Variants in HTR1F observed in about 807,000 individuals in gnomAD.
HTR1F encodes the protein 5-hydroxytryptamine receptor 1F.
HTR1F carries 17 observed loss-of-function variants against 24.0 expected under a neutral mutation model. That is an observed-to-expected ratio of 0.71 (90% confidence interval 0.48 to 1.06). The LOEUF (loss-of-function observed/expected upper bound fraction) is 1.06, where lower values mean the gene tolerates loss of function less well. Among genes scored for constraint, HTR1F ranks in the 50% least tolerant of loss-of-function variants. HTR1F has a pLI of 0.00. For synonymous variants in HTR1F, 186 were observed against 156.8 expected (o/e 1.19, Z -1.39); for missense variants, 391 against 427.8 (o/e 0.91, Z 0.76).
chr3:87,792,878 G>A (rs910837573), intron 1 of HTR1F, among the ~76,000 whole-genome samples, 36 bp downstream of exon 1: 1 of 152,180 alleles, frequency 6.6e-6, no homozygotes, highest in African/African-American at 2.4e-5. Context: ...CCGGGAGTGC[G>A]GGTCACGCCC....
chr3:87,829,760 AAAT>A (rs1477791032), intron 2 of HTR1F, among the ~76,000 whole-genome samples: 5 of 152,264 alleles, frequency 3.3e-5, no homozygotes, highest in African/African-American at 4.8e-5. Context: ...AAATTTGCAA[AAAT>A]AATGATGTTA....
chr3:87,833,228 G>A (rs1704618865), intron 2 of HTR1F, among the ~76,000 whole-genome samples: 1 of 152,156 alleles, frequency 6.6e-6, no homozygotes, highest in South Asian at 2.1e-4. Flanking sequence ...CATATAGGGT[G>A]AAGAGACTTC....
At chr3:87,941,194 A>C (rs560081318) in intron 2 of HTR1F, among the ~76,000 whole-genome samples, 16 of 152,240 alleles carry the variant, frequency 1.1e-4, no homozygotes, top group Non-Finnish European at 2.4e-4. Flanking sequence ...CATCTTACTA[A>C]ATGGGTATTG....
chr3:87,937,339 C>T (rs577066252), intron 2 of HTR1F, among the ~76,000 whole-genome samples: 5 of 152,202 alleles, frequency 3.3e-5, no homozygotes, highest in African/African-American at 1.2e-4. Flanking sequence ...TAAATATGAT[C>T]CATTAGGTAA....
intron 2 of HTR1F, among the ~76,000 whole-genome samples, chr3:87,825,014 G>A (rs1704435078): frequency 6.6e-6 from 1 of 152,096 alleles, no homozygotes; most frequent in Non-Finnish European, 1.5e-5. Context: ...CTTGATAATA[G>A]TGATTATAAG....
chr3:87,962,840 A>G (rs1185065675), intron 2 of HTR1F, among the ~76,000 whole-genome samples: 1 of 152,072 alleles, frequency 6.6e-6, no homozygotes, highest in Non-Finnish European at 1.5e-5. Flanking sequence ...TATTTCCAAT[A>G]TAACTCTTAA....
At chr3:87,922,697 A>C (rs532992617) in intron 2 of HTR1F, among the ~76,000 whole-genome samples, 5 of 151,916 alleles carry the variant, frequency 3.3e-5, no homozygotes, top group African/African-American at 1.2e-4. Context: ...GTTAATTTTT[A>C]TATATAGGGA....
chr3:87,851,208 C>T (rs1194857258), intron 2 of HTR1F, among the ~76,000 whole-genome samples: 5 of 151,568 alleles, frequency 3.3e-5, no homozygotes, highest in South Asian at 2.1e-4. Flanking sequence ...TTATTATGCT[C>T]TTTATTTTGC....
At chr3:87,919,209 A>G (rs1428530940) in intron 2 of HTR1F, among the ~76,000 whole-genome samples, 1 of 152,158 alleles carries the variant, frequency 6.6e-6, no homozygotes, top group African/African-American at 2.4e-5. Context: ...CTCTCACCTT[A>G]TATAAAAATC....
chr3:87,866,654 A>G (rs998206653), intron 2 of HTR1F, among the ~76,000 whole-genome samples: 1 of 149,130 alleles, frequency 6.7e-6, no homozygotes, highest in Non-Finnish European at 1.5e-5. Flanking sequence ...CTTGCAAAAA[A>G]GAAACCCCAA....
At chr3:87,940,180 G>A (rs1704534158) in intron 2 of HTR1F, among the ~76,000 whole-genome samples, 1 of 152,202 alleles carries the variant, frequency 6.6e-6, no homozygotes, top group African/African-American at 2.4e-5. Context: ...AGTTTTGAGA[G>A]AGTCTCTTAA....
In HTR1F at chr3:87,912,199, C is replaced by CA. The variant is rs201239929; in HGVS notation, c.-42-78498dup. Among the ~76,000 whole-genome samples the CA allele has an allele frequency of 6.7e-3, 949 of 142,346 alleles. 5 individuals are homozygous for CA. Among genetic ancestry groups the CA allele is most frequent in the African/African-American group, 0.015 (581 of 39,192 alleles). The allele number at this position is 142,346 out of a possible 152,430, so 93.4% of individuals were successfully genotyped here. A position where few individuals can be genotyped will look rare whatever the true frequency, so the allele number is the denominator to read the frequency against. On this transcript the variant is annotated intron_variant, in intron 2 of 2. Coordinates refer to ENST00000319595, the MANE Select transcript of HTR1F (RefSeq NM_001322209.2). The stretch of plus-strand genomic sequence containing the variant: ...TAAGCACAAAAGCTCCTTAAGATAA[C>CA]AAAAAAAAAAACTTTAGCAAAATTT...
intron 2 of HTR1F, among the ~76,000 whole-genome samples, chr3:87,964,376 A>G (rs1482902303): frequency 2.6e-5 from 4 of 152,196 alleles, no homozygotes; most frequent in African/African-American, 9.7e-5. Context: ...ATAAAATTCT[A>G]AAATACTATT....
At position 87,936,454 on chromosome 3, in the gene HTR1F, T is replaced by G. The variant is rs377028395; in HGVS notation, c.-42-54254T>G. Among the ~76,000 whole-genome samples the G allele has an allele frequency of 1.5e-4, 23 of 152,306 alleles. No homozygotes were observed. In the East Asian group the frequency reaches 4.4e-3, roughly 29 times the overall value. On this transcript the variant is annotated intron_variant, in intron 2 of 2. Transcript: ENST00000319595. Reference sequence around the variant, plus strand: ...AGGATTTATCTTTTTAAAAACTTTATCATCTAGTTATTAACCACATTGCAG... The same window carrying G: ...AGGATTTATCTTTTTAAAAACTTTAGCATCTAGTTATTAACCACATTGCAG...
Position 87,973,325 on chromosome 3 carries a change from A to C in HTR1F, c.-42-17383A>C, listed in dbSNP as rs534243024. The stretch of plus-strand genomic sequence containing the variant: ...AATCCTCAACTGCCATAACCTATTC[A>C]AATTATTCTCCTACCATACTCTTCC... On this transcript the variant is annotated intron_variant, in intron 2 of 2. Coordinates refer to ENST00000319595, the MANE Select transcript of HTR1F (RefSeq NM_001322209.2). Among the ~76,000 whole-genome samples, 11 of 152,250 alleles carry C rather than the reference A, an allele frequency of 7.2e-5. No individual in the cohort carries two copies. In the East Asian group the frequency reaches 1.2e-3, roughly 16 times the overall value.
At chr3:87,951,116 A>C (rs1248549227) in intron 2 of HTR1F, among the ~76,000 whole-genome samples, 1 of 152,102 alleles carries the variant, frequency 6.6e-6, no homozygotes, top group Admixed American at 6.6e-5. Context: ...GGAAAACCCT[A>C]ACAACTGTTT....
At chr3:87,838,738 A>C (rs1298773693) in intron 2 of HTR1F, among the ~76,000 whole-genome samples, 1 of 151,976 alleles carries the variant, frequency 6.6e-6, no homozygotes, top group East Asian at 1.9e-4. Context: ...GAATAACTAC[A>C]CTTTCTTCAA....
At chr3:87,940,614 T>C (rs1468044844) in intron 2 of HTR1F, among the ~76,000 whole-genome samples, 1 of 152,106 alleles carries the variant, frequency 6.6e-6, no homozygotes, top group Admixed American at 6.5e-5. Flanking sequence ...CTTCACAGAA[T>C]TAGGAAAAAC....
At chr3:87,979,024 G>A (rs1460316874) in intron 2 of HTR1F, among the ~76,000 whole-genome samples, 29 of 3,220 alleles carry the variant, frequency 9.0e-3, no homozygotes, top group Non-Finnish European at 0.028. Flanking sequence ...GGGAAGGAGG[G>A]AGGGAGGGAG....
Sources: gnomAD v4.1 joint callset for allele counts (sites outside exome capture counted in the v4.1 genomes callset) on GRCh38, gnomAD v4.1.1 for gene constraint, MANE v1.5 for transcripts, NCBI Gene and HGNC (gene_info 2026-07-23, HGNC 2026-07-21) for gene names.